The following NEK6 variants were observed in gnomAD, a reference collection of about 807,000 sequenced individuals.
NEK6 encodes serine/threonine-protein kinase Nek6.
In NEK6, 27 loss-of-function variants were observed where a neutral mutation model predicts 43.5. The ratio of observed to expected loss-of-function variants is 0.62; its 90% CI spans 0.46 to 0.86. The LOEUF (loss-of-function observed/expected upper bound fraction) is 0.86, where lower values mean the gene tolerates loss of function less well. NEK6 is among the 40% of genes least tolerant of loss of function. The pLI, the probability that NEK6 is intolerant of heterozygous loss-of-function variation, is 0.00. For missense variants in NEK6, 318 were observed against 414.4 expected, an observed-to-expected ratio of 0.77 and a Z score of 2.02; for synonymous variants, 167 against 164.1, an observed-to-expected ratio of 1.02 and a Z score of -0.14.
intron 8 of NEK6, 138 bp from the exon 9 acceptor site, chr9:124,347,571 G>A: frequency 3.7e-6 from 2 of 542,310 alleles, no homozygotes; most frequent in Non-Finnish European, 3.3e-6. Context: ...GGTGATTCGG[G>A]GGAGAAGTCC....
intron 7 of NEK6, among the ~76,000 whole-genome samples, chr9:124,328,590 G>A (rs1489384775): frequency 1.3e-5 from 2 of 152,208 alleles, no homozygotes; most frequent in South Asian, 2.1e-4. Flanking sequence ...AAGCCAGGAC[G>A]TCTCCTATCC....
chr9:124,347,735 T>C lies in NEK6; in HGVS notation c.744T>C (p.Tyr248=). 6.2e-7 allele frequency: 1 copy of C among 1,611,922 alleles called. No homozygotes were observed. The highest frequency in any genetic ancestry group is 8.5e-7 in the Non-Finnish European group (1 of 1,178,802). ...YEMAALQSPF[Y]GDKMNLFSLC... ...TGGCAGCCCTCCAGAGCCCCTTCTA[T>C]GGAGATAAGATGAATCTCTTCTCCC... is the stretch of plus-strand genomic sequence containing the variant. The change falls in exon 9 of 10, where the codon TAT becomes TAC. Residue 248 remains tyrosine (Y), a synonymous_variant. Transcript: ENST00000320246.
At chr9:124,298,810 C>T (rs1027352687) in intron 1 of NEK6, among the ~76,000 whole-genome samples, 7 of 152,240 alleles carry the variant, frequency 4.6e-5, no homozygotes, top group African/African-American at 1.7e-4. Context: ...ATAGACCTTA[C>T]CTCATGGAGT....
chr9:124,274,855 A>G (rs1831589647), intron 1 of NEK6, among the ~76,000 whole-genome samples: 1 of 152,174 alleles, frequency 6.6e-6, no homozygotes, highest in African/African-American at 2.4e-5. Flanking sequence ...TGTCCTCTCC[A>G]GTGCCGGCTC....
rs1223479281 is a variant in NEK6, at chr9:124,321,567, A to G, written c.403A>G (p.Lys135Glu). 1 of 1,604,138 alleles carries G rather than the reference A, an allele frequency of 6.2e-7. No homozygotes were observed. The highest frequency in any genetic ancestry group is 2.2e-5 in the East Asian group (1 of 44,820). Residue 135 changes from lysine to glutamate, a missense_variant and splice_region_variant, in exon 5 of 10, where the codon AAG becomes GAG. By Grantham distance (56) the Lys-to-Glu change is moderately conservative. This residue lies in a region of NEK6 where 239 missense variants were observed against 344.4 expected (regional missense o/e 0.69). Coordinates refer to ENST00000320246, the MANE Select transcript of NEK6 (RefSeq NM_014397.6). ...CGCAGGGGACCTCTCGCAGATGATC[A>G]AGGTGAGCGCCTGGCGGGGTGGGGG... ...ADAGDLSQMIKYFKKQKRLIP... is the reference protein window; with the variant it reads ...ADAGDLSQMIEYFKKQKRLIP...
intron 8 of NEK6, among the ~76,000 whole-genome samples, chr9:124,342,583 G>A (rs1829693319): frequency 6.6e-6 from 1 of 152,232 alleles, no homozygotes; most frequent in Admixed American, 6.5e-5. Context: ...GCCAAGCACG[G>A]GCACTTCTGC....
intron 1 of NEK6, among the ~76,000 whole-genome samples, chr9:124,279,364 C>T (rs13298654): frequency 0.32 from 47,337 of 149,550 alleles, 8,229 homozygotes; most frequent in Admixed American, 0.4. Flanking sequence ...TGCAGTGGCA[C>T]GATCTCGGCT....
Position 124,327,565 on chromosome 9 carries a change from G to A in NEK6, c.622+120G>A, listed in dbSNP as rs1179305577. On this transcript the variant is annotated intron_variant, in intron 7 of 9. Transcript: ENST00000320246. Reference sequence around the variant, plus strand: ...TAGTGCAGGAAGATGCCTTTTTTAAGCCCCAGGGTTTTCTCATCTGTTCAG... The same window carrying A: ...TAGTGCAGGAAGATGCCTTTTTTAAACCCCAGGGTTTTCTCATCTGTTCAG... 9 of 784,222 alleles carry A rather than the reference G, an allele frequency of 1.1e-5. No homozygotes were observed. In the East Asian group the frequency reaches 2.0e-4, roughly 18 times the overall value. 48.6% of individuals were successfully genotyped at this position (784,222 alleles called of 1,614,324 possible).
At position 124,327,388 on chromosome 9, in the gene NEK6, G is replaced by A. The variant is rs779821672; in HGVS notation, c.565G>A (p.Gly189Ser). ...CACAGCCACGGGCGTCGTGAAGCTC[G>A]GTGACCTTGGTCTGGGCCGCTTCTT... ...FITATGVVKL[G>S]DLGLGRFFSS... The change falls in exon 7 of 10, where the codon GGT becomes AGT. Residue 189 changes from glycine to serine, a missense_variant. Gly to Ser is a moderately conservative substitution (Grantham distance 56). Around this residue, in one of 2 missense-constraint regions of NEK6, gnomAD observed 239 missense variants for 344.4 expected, o/e 0.69. Transcript: ENST00000320246. 29 of 1,613,650 alleles carry A rather than the reference G, an allele frequency of 1.8e-5. No homozygotes were observed. The highest frequency in any genetic ancestry group is 3.3e-5 in the Admixed American group (2 of 59,996).
chr9:124,320,549 A>G (rs1188432281), intron 4 of NEK6, among the ~76,000 whole-genome samples: 1 of 152,192 alleles, frequency 6.6e-6, no homozygotes. Context: ...CCAGGGCAGG[A>G]TATTCGAGTC....
rs758054732 is a variant in NEK6 at position 124,347,789 on chromosome 9, C to T, written c.798C>T (p.Tyr266=). ...GCCAGAAGATCGAGCAGTGTGACTA[C>T]CCCCCACTCCCCGGGGAGCACTACT... is the stretch of plus-strand genomic sequence containing the variant. ...SLCQKIEQCD[Y]PPLPGEHYSE... is the part of the protein sequence containing the mutation. Residue 266 remains tyrosine (Y), a synonymous_variant, in exon 9 of 10, where the codon TAC becomes TAT. Transcript: ENST00000320246. 14 of 1,611,340 alleles carry T rather than the reference C, an allele frequency of 8.7e-6. No homozygotes were observed. In the African/African-American group the frequency reaches 1.3e-4, roughly 15 times the overall value.
At chr9:124,306,863 C>G (rs938521434) in intron 2 of NEK6, among the ~76,000 whole-genome samples, 3 of 152,212 alleles carry the variant, frequency 2.0e-5, no homozygotes, top group Non-Finnish European at 4.4e-5. Flanking sequence ...TTTCCCTACC[C>G]ACAGTGTCAG....
chr9:124,347,867 C>A, intron 9 of NEK6, 45 bp downstream of exon 9: 1 of 1,274,972 alleles, frequency 7.8e-7, no homozygotes, highest in Non-Finnish European at 1.1e-6. Flanking sequence ...CAGGAGGCCA[C>A]CGAGGCTTAT....
At chr9:124,314,024 G>A (rs886766394) in intron 4 of NEK6, 39 bp downstream of exon 4, 1 of 1,596,874 alleles carries the variant, frequency 6.3e-7, no homozygotes, top group Non-Finnish European at 8.6e-7. Context: ...TGCCTCCTCG[G>A]GGAGGTTCTG....
chr9:124,347,889 C>G, intron 9 of NEK6, 67 bp downstream of exon 9: 2 of 885,014 alleles, frequency 2.3e-6, no homozygotes, highest in South Asian at 1.4e-5. Context: ...AGGGCCGCTC[C>G]AAAACACCAC....
chr9:124,257,920 C>T, upstream of NEK6: 1 of 965,752 alleles, frequency 1.0e-6, no homozygotes, highest in Non-Finnish European at 1.2e-6. Flanking sequence ...CGGGGAGGGG[C>T]GGGCGCGCGG....
chr9:124,258,241 G>A (rs571118384), intron 1 of NEK6, 156 bp downstream of exon 1: 1 of 982,608 alleles, frequency 1.0e-6, no homozygotes, highest in East Asian at 1.1e-4. Context: ...GAGTGTGGCC[G>A]CGCGGGGCTG....
chr9:124,344,832 GC>G (rs1829835810), intron 8 of NEK6, among the ~76,000 whole-genome samples: 1 of 152,250 alleles, frequency 6.6e-6, no homozygotes, highest in Non-Finnish European at 1.5e-5. Context: ...GGGAAGATCT[GC>G]GGAGCCTTGG....
intron 3 of NEK6, among the ~76,000 whole-genome samples, chr9:124,313,608 T>G (rs2130867872): frequency 6.6e-6 from 1 of 152,304 alleles, no homozygotes; most frequent in East Asian, 1.9e-4. Flanking sequence ...CCTCAAGTGA[T>G]CCACCCACCT....
Sources: gnomAD v4.1 joint callset for allele counts (sites outside exome capture counted in the v4.1 genomes callset) on GRCh38, gnomAD v4.1.1 for gene constraint, gnomAD v4.1.1 regional missense constraint, MANE v1.5 for transcripts, NCBI Gene and HGNC (gene_info 2026-07-23, HGNC 2026-07-21) for gene names.